The following PTPN13 variants were observed in gnomAD, a reference collection of about 807,000 sequenced individuals.
The protein encoded by PTPN13 is protein tyrosine phosphatase non-receptor type 13.
In PTPN13, 191 loss-of-function variants were observed where a neutral mutation model predicts 284.0. The observed-to-expected ratio is 0.67, with a 90% CI of 0.60 to 0.76. The LOEUF is 0.76. PTPN13 is among the 30% of genes least tolerant of loss of function. The pLI, the probability that PTPN13 is intolerant of heterozygous loss-of-function variation, is 0.00. For missense variants in PTPN13, 2,797 were observed against 2,939.9 expected (o/e 0.95, Z 1.12); for synonymous variants, 986 against 1,022.3 (o/e 0.96, Z 0.68).
At chr4:86,795,722 A>G (rs1743260700) in intron 40 of PTPN13, among the ~76,000 whole-genome samples, 1 of 152,228 alleles carries the variant, frequency 6.6e-6, no homozygotes, top group Non-Finnish European at 1.5e-5. Flanking sequence ...AAACAGGATG[A>G]GTTCATGTCC....
chr4:86,781,608 C>T (rs1176246786), intron 36 of PTPN13, among the ~76,000 whole-genome samples: 5 of 152,078 alleles, frequency 3.3e-5, no homozygotes, highest in African/African-American at 4.8e-5. Context: ...CCATTCAGTG[C>T]GAAAAATTAT....
At chr4:86,805,874 G>A (rs1261613283) in intron 44 of PTPN13, among the ~76,000 whole-genome samples, 1 of 152,080 alleles carries the variant, frequency 6.6e-6, no homozygotes, top group Admixed American at 6.6e-5. Context: ...CAATCATTTT[G>A]GCCCGGTGCA....
chr4:86,617,567 C>G (rs1720705548), intron 1 of PTPN13, among the ~76,000 whole-genome samples: 1 of 151,872 alleles, frequency 6.6e-6, no homozygotes, highest in African/African-American at 2.4e-5. Flanking sequence ...TAATGCTATC[C>G]CTCCCCCTTC....
Position 86,772,802 on chromosome 4 carries a change from T to G in PTPN13, c.5193T>G (p.Asp1731Glu), listed in dbSNP as rs759271141. The part of the protein sequence containing the change: ...EDSNPSPLPP[D>E]MAPGQSYQPQ... ...GTAATCCTTCCCCTCTACCACCGGATATGGCTCCTGGGCAGAGTTATCAAC... is the reference window on the plus strand; with the variant it reads ...GTAATCCTTCCCCTCTACCACCGGAGATGGCTCCTGGGCAGAGTTATCAAC... The change falls in exon 32 of 48, where the codon GAT (aspartate) becomes GAG (glutamate). Residue 1731 changes from aspartate (D) to glutamate (E), a missense_variant. Physicochemically the swap from Asp to Glu is conservative, Grantham distance 45. Coordinates refer to ENST00000411767, the MANE Select transcript of PTPN13 (RefSeq NM_080683.3). 1 of 1,609,594 alleles carries G rather than the reference T, an allele frequency of 6.2e-7. No individual in the cohort carries two copies. The highest frequency in any genetic ancestry group is 8.5e-7 in the Non-Finnish European group (1 of 1,178,446).
In PTPN13 at chr4:86,811,090, C is replaced by G. The variant is rs750236150; in HGVS notation, c.7344C>G (p.His2448Gln). Residue 2448 changes from histidine to glutamine, a missense_variant, in exon 47 of 48, where the codon CAC becomes CAG. Physicochemically the swap from His to Gln is conservative, Grantham distance 24 (BLOSUM62 0). Transcript: ENST00000411767. ...TGCGCTGCATGAGACTACAAAGACA[C>G]GGAATGGTTCAGACAGAGGTGAGTC... The part of the protein sequence containing the change: ...DLVRCMRLQR[H>Q]GMVQTEDQYI... The G allele has an allele frequency of 1.9e-6, 3 of 1,613,410 alleles. No homozygotes were observed. The highest frequency in any genetic ancestry group is 2.2e-5 in the South Asian group (2 of 91,034).
chr4:86,660,651 G>C (rs971811676), intron 2 of PTPN13, among the ~76,000 whole-genome samples: 6 of 151,994 alleles, frequency 3.9e-5, no homozygotes, highest in Non-Finnish European at 1.5e-5. Context: ...AAATGTGTTT[G>C]AACTGTGTGA....
intron 3 of PTPN13, among the ~76,000 whole-genome samples, chr4:86,678,109 AAACT>A (rs1358999221): frequency 2.0e-5 from 3 of 152,218 alleles, no homozygotes; most frequent in Non-Finnish European, 4.4e-5. Flanking sequence ...TATATCTTAT[AAACT>A]AACCATCACA....
intron 2 of PTPN13, among the ~76,000 whole-genome samples, chr4:86,650,302 T>G (rs1480481243): frequency 6.6e-6 from 1 of 151,976 alleles, no homozygotes; most frequent in Non-Finnish European, 1.5e-5. Context: ...CACTGTTTTA[T>G]AGGGTTGTGT....
At position 86,758,323 on chromosome 4, in the gene PTPN13, T is replaced by C; in HGVS notation, c.3287T>C (p.Leu1096Pro). Residue 1096 changes from leucine (L) to proline (P), a missense_variant, in exon 21 of 48, where the codon CTG becomes CCG. Physicochemically the swap from Leu to Pro is moderately conservative, Grantham distance 98. Transcript: ENST00000411767. Reference sequence around the variant, plus strand: ...GAAAGGGAGATCACCTTAGTGAACCTGAAAAAAGATGCAAAGTATGGCTTG... The same window carrying C: ...GAAAGGGAGATCACCTTAGTGAACCCGAAAAAAGATGCAAAGTATGGCTTG... Reference protein sequence around the residue: ...SPEREITLVNLKKDAKYGLGF... With the variant: ...SPEREITLVNPKKDAKYGLGF... 2 of 1,610,844 alleles carry C rather than the reference T, an allele frequency of 1.2e-6. No homozygotes were observed. Among genetic ancestry groups the C allele is most frequent in the Non-Finnish European group, 1.7e-6 (2 of 1,177,952 alleles).
chr4:86,657,235 G>A (rs148924878), intron 2 of PTPN13, among the ~76,000 whole-genome samples: 7,092 of 152,144 alleles, frequency 0.047, 223 homozygotes, highest in African/African-American at 0.061. Context: ...CCACTGTCCT[G>A]CACCCACTGT....
intron 40 of PTPN13, among the ~76,000 whole-genome samples, chr4:86,788,418 T>C (rs937163810): frequency 2.0e-5 from 3 of 152,226 alleles, no homozygotes; most frequent in African/African-American, 7.2e-5. Context: ...ATTTACTGAA[T>C]TGGTTCTAAC....
intron 2 of PTPN13, among the ~76,000 whole-genome samples, chr4:86,646,443 G>A (rs1334718534): frequency 6.6e-6 from 1 of 151,942 alleles, no homozygotes; most frequent in Non-Finnish European, 1.5e-5. Flanking sequence ...AATCACAGGA[G>A]TGTGCCACCA....
chr4:86,714,771 G>A (rs1396448101), intron 7 of PTPN13, among the ~76,000 whole-genome samples: 1 of 152,080 alleles, frequency 6.6e-6, no homozygotes, highest in Admixed American at 6.6e-5. Context: ...TTTTGTGCTT[G>A]CTATGTACCA....
chr4:86,704,172 G>A (rs192680873), intron 7 of PTPN13, among the ~76,000 whole-genome samples: 1 of 152,152 alleles, frequency 6.6e-6, no homozygotes, highest in Non-Finnish European at 1.5e-5. Flanking sequence ...CAACAAGAGC[G>A]AAACTCCGTC....
At chr4:86,614,427 CT>C (rs950485599) in intron 1 of PTPN13, among the ~76,000 whole-genome samples, 12 of 152,004 alleles carry the variant, frequency 7.9e-5, no homozygotes, top group Admixed American at 2.0e-4. Context: ...AAAGGATAAT[CT>C]TTTTTTTACT....
At chr4:86,613,633 C>CAAAAAAAAAAAAAAAAAAAAAAAA (rs544971012) in intron 1 of PTPN13, among the ~76,000 whole-genome samples, 1 of 61,526 alleles carries the variant, frequency 1.6e-5, no homozygotes, top group Non-Finnish European at 3.6e-5. Context: ...GACTCCGTCT[C>CAAAAAAAAAAAAAAAAAAAAAAAA]AAAAAAAAAA....
chr4:86,758,333 T>A lies in PTPN13; in HGVS notation c.3297T>A (p.Asp1099Glu). 6.2e-7 allele frequency: 1 copy of A among 1,609,628 alleles called. No homozygotes were observed. Among genetic ancestry groups the A allele is most frequent in the Non-Finnish European group, 8.5e-7 (1 of 1,177,044 alleles). The change falls in exon 21 of 48, where the codon GAT becomes GAA. Residue 1099 changes from aspartate to glutamate, a missense_variant. Physicochemically the swap from Asp to Glu is conservative, Grantham distance 45 (BLOSUM62 2). Transcript: ENST00000411767. The part of the protein sequence containing the change: ...REITLVNLKK[D>E]AKYGLGFQII... ...TCACCTTAGTGAACCTGAAAAAAGA[T>A]GCAAAGTATGGCTTGGGTAAGTCAC...
chr4:86,696,387 G>C (rs1349224786), intron 6 of PTPN13, among the ~76,000 whole-genome samples: 2 of 151,882 alleles, frequency 1.3e-5, no homozygotes, highest in African/African-American at 4.8e-5. Context: ...AAAGAAATAT[G>C]TGAGACTATG....
intron 14 of PTPN13, 117 bp downstream of exon 14, chr4:86,734,992 T>C: frequency 1.7e-6 from 2 of 1,188,108 alleles, no homozygotes; most frequent in Non-Finnish European, 2.3e-6. Context: ...TTTTGAGGCT[T>C]CTTTGGTTCC....
Sources: allele counts gnomAD v4.1 joint callset (sites outside exome capture counted in the v4.1 genomes callset), GRCh38; gene constraint gnomAD v4.1.1; transcripts MANE v1.5; gene names NCBI Gene and HGNC (gene_info 2026-07-23, HGNC 2026-07-21).